The following NLRP8 variants were observed in gnomAD, a reference collection of about 807,000 sequenced individuals.
NLRP8 encodes NLR family pyrin domain containing 8.
NLRP8 carries 86 observed loss-of-function variants against 88.7 expected under a neutral mutation model. That is an observed-to-expected ratio of 0.97 (90% CI 0.81 to 1.16). NLRP8 has a LOEUF of 1.16. NLRP8 is among the 50% of genes most tolerant of loss of function. The pLI is 0.00. For synonymous variants in NLRP8, 504 were observed against 494.6 expected, an observed-to-expected ratio of 1.02 and a Z score of -0.25; for missense variants, 1,342 against 1,286.5, an observed-to-expected ratio of 1.04 and a Z score of -0.66.
rs763731593 is a variant in NLRP8 at position 55,962,090 on chromosome 19, A to G, written c.2066A>G (p.His689Arg). 7.4e-6 allele frequency: 12 copies of G among 1,614,044 alleles called. No homozygotes were observed. In the East Asian group the frequency reaches 2.2e-4, roughly 30 times the overall value. Reference sequence around the variant, plus strand: ...AGAGCGCCAGAGAGCAATGGGCTGCATCGTTGGTGGCAAGACTTATGCTCT... The same window carrying G: ...AGAGCGCCAGAGAGCAATGGGCTGCGTCGTTGGTGGCAAGACTTATGCTCT... The change falls in exon 4 of 10, where the codon CAT (histidine) becomes CGT (arginine). Residue 689 changes from histidine to arginine, a missense_variant. Transcript: ENST00000291971.
At chr19:55,963,145 C>T (rs1400637958) in intron 4 of NLRP8, among the ~76,000 whole-genome samples, 1 of 152,148 alleles carries the variant, frequency 6.6e-6, no homozygotes, top group Non-Finnish European at 1.5e-5. Flanking sequence ...TCCCGAGTAG[C>T]TGGGACTACA....
Position 55,966,219 on chromosome 19 carries a change from G to T in NLRP8, c.2220G>T (p.Arg740Ser), listed in dbSNP as rs1477211865. Residue 740 changes from arginine (R) to serine (S), a missense_variant, in exon 5 of 10, where the codon AGG becomes AGT. Coordinates refer to ENST00000291971, the MANE Select transcript of NLRP8 (RefSeq NM_176811.2). ...GACGCTCTTCCCTCTCCAGCCTAAG[G>T]CGTGTGAATAGCACCATGTTGAACC... The T allele has an allele frequency of 6.2e-7, 1 of 1,614,006 alleles. No homozygotes were observed. The highest frequency in any genetic ancestry group is 8.5e-7 in the Non-Finnish European group (1 of 1,179,946).
At chr19:55,973,077 A>T (rs904786835) in intron 6 of NLRP8, among the ~76,000 whole-genome samples, 1 of 152,172 alleles carries the variant, frequency 6.6e-6, no homozygotes, top group African/African-American at 2.4e-5. Flanking sequence ...TTACATTTCC[A>T]TCAACAGTGT....
intron 9 of NLRP8, among the ~76,000 whole-genome samples, chr19:55,986,296 ACTCT>A (rs1980803145): frequency 6.6e-6 from 1 of 150,566 alleles, no homozygotes; most frequent in African/African-American, 2.4e-5. Flanking sequence ...TCACACACAC[ACTCT>A]ATCATACACA....
At chr19:55,987,448 G>T (rs1404551458) in intron 9 of NLRP8, among the ~76,000 whole-genome samples, 1 of 152,204 alleles carries the variant, frequency 6.6e-6, no homozygotes, top group Admixed American at 6.5e-5. Context: ...GCATTTGGTA[G>T]GAGTCCAGAG....
chr19:55,956,538 G>A (rs959187688), intron 3 of NLRP8, among the ~76,000 whole-genome samples: 4 of 151,866 alleles, frequency 2.6e-5, no homozygotes, highest in South Asian at 2.1e-4. Flanking sequence ...GCCATCGCAC[G>A]CGGCCAGTAC....
chr19:55,987,294 C>T (rs1021348984), intron 9 of NLRP8, among the ~76,000 whole-genome samples: 3 of 152,204 alleles, frequency 2.0e-5, no homozygotes, highest in South Asian at 4.1e-4. Context: ...CGCTTTAACC[C>T]AGGAGGCAGA....
intron 2 of NLRP8, among the ~76,000 whole-genome samples, chr19:55,952,851 G>A (rs995822903): frequency 2.0e-5 from 3 of 152,108 alleles, no homozygotes; most frequent in Admixed American, 1.3e-4. Flanking sequence ...GCTTGAACCC[G>A]GGAGGCGGAG....
rs1979300934 is a variant in NLRP8 at position 55,955,438 on chromosome 19, C to T, written c.1380C>T (p.Asp460=). 6.2e-7 allele frequency: 1 copy of T among 1,614,074 alleles called. No homozygotes were observed. Among genetic ancestry groups the T allele is most frequent in the Admixed American group, 1.7e-5 (1 of 60,004 alleles). ...AAGGTCTGTGTCACTTGGCCGCAGACAGCATGTGGCACAGGAAATGGGTGT... is the reference window on the plus strand; with the variant it reads ...AAGGTCTGTGTCACTTGGCCGCAGATAGCATGTGGCACAGGAAATGGGTGT... Residue 460 remains aspartate, a synonymous_variant, in exon 3 of 10, where the codon GAC becomes GAT. Coordinates refer to ENST00000291971, the MANE Select transcript of NLRP8 (RefSeq NM_176811.2).
intron 9 of NLRP8, among the ~76,000 whole-genome samples, chr19:55,986,326 ACACT>A (rs377116498): frequency 4.1e-5 from 6 of 145,558 alleles, no homozygotes; most frequent in African/African-American, 1.3e-4. Flanking sequence ...TCACACACAC[ACACT>A]CTCTGTCTCA....
chr19:55,972,198 T>C (rs888913846), intron 6 of NLRP8, among the ~76,000 whole-genome samples: 1 of 150,936 alleles, frequency 6.6e-6, no homozygotes, highest in Non-Finnish European at 1.5e-5. Context: ...CACTGCAAGC[T>C]CTGCCTCCCT....
intron 5 of NLRP8, 26 bp downstream of exon 5, chr19:55,966,406 TG>T (rs1454855828): frequency 6.2e-7 from 1 of 1,609,072 alleles, no homozygotes; most frequent in African/African-American, 1.3e-5. Flanking sequence ...GGGGTTAGAG[TG>T]GGAACCGGGG....
At chr19:55,977,776 A>G (rs970167848) in intron 8 of NLRP8, among the ~76,000 whole-genome samples, 1 of 151,858 alleles carries the variant, frequency 6.6e-6, no homozygotes, top group African/African-American at 2.4e-5. Context: ...CTCCATTAGC[A>G]TAGTCTTGGT....
rs59344059 is a variant in NLRP8, at chr19:55,950,256, C to CAA, written c.367+2000_367+2001dup. On this transcript the variant is annotated intron_variant, in intron 1 of 9. Transcript: ENST00000291971. ...TGAAACCCAGTCTCTACTAAAACTA[C>CAA]AAAAAAAAAAAAAATAGCCGGGCGT... Among the ~76,000 whole-genome samples the CAA allele has an allele frequency of 5.7e-3, 768 of 135,520 alleles. 7 individuals carry two copies. Among genetic ancestry groups the CAA allele is most frequent in the African/African-American group, 0.019 (689 of 37,228 alleles). The allele number at this position is 135,520 out of a possible 152,430, so 88.9% of individuals were successfully genotyped here.
chr19:55,961,719 G>A (rs899487045), intron 3 of NLRP8, among the ~76,000 whole-genome samples: 2 of 152,166 alleles, frequency 1.3e-5, no homozygotes, highest in Non-Finnish European at 2.9e-5. Flanking sequence ...GATTGCCTGA[G>A]CCTGGGAGTT....
intron 9 of NLRP8, among the ~76,000 whole-genome samples, chr19:55,987,502 CTTAG>C (rs770094695): frequency 4.6e-5 from 7 of 152,146 alleles, no homozygotes; most frequent in African/African-American, 4.8e-5. Context: ...TTAACCGTAA[CTTAG>C]TTATTGAAAT....
chr19:55,949,705 C>A (rs561309229), intron 1 of NLRP8, among the ~76,000 whole-genome samples: 19 of 150,818 alleles, frequency 1.3e-4, no homozygotes, highest in African/African-American at 4.4e-4. Flanking sequence ...ACCCGCCTCT[C>A]CCAATAGCTG....
chr19:55,954,512 C>A lies in NLRP8; in HGVS notation c.454C>A (p.Arg152=), dbSNP rs186757752. ...TCTCACAAATCTAGGTAAAATACGG[C>A]GGTATAAATCGAATGTGATGGAAAA... Residue 152 remains arginine (R), a synonymous_variant, in exon 3 of 10, where the codon CGG becomes AGG. Transcript: ENST00000291971. 3.1e-6 allele frequency: 5 copies of A among 1,612,986 alleles called. No homozygotes were observed. In the South Asian group the frequency reaches 5.5e-5, roughly 18 times the overall value.
At chr19:55,954,435 G>T in intron 2 of NLRP8, 66 bp from the exon 3 acceptor site, 1 of 1,490,238 alleles carries the variant, frequency 6.7e-7, no homozygotes, top group Non-Finnish European at 9.1e-7. Flanking sequence ...TTTTCTTATT[G>T]CTCTATTAGT....
Sources: allele counts gnomAD v4.1 joint callset (sites outside exome capture counted in the v4.1 genomes callset), GRCh38; gene constraint gnomAD v4.1.1; transcripts MANE v1.5; gene names NCBI Gene and HGNC (gene_info 2026-07-23, HGNC 2026-07-21).